The following EYS variants were observed in gnomAD, a reference collection of about 807,000 sequenced individuals.
EYS encodes the protein protein eyes shut homolog.
EYS carries 250 observed loss-of-function variants against 282.1 expected under a neutral mutation model. The observed-to-expected ratio is 0.89, with a 90% CI of 0.80 to 0.98. The LOEUF (loss-of-function observed/expected upper bound fraction) is 0.98, where lower values mean the gene tolerates loss of function less well. EYS is among the 50% of genes least tolerant of loss of function. The pLI, the probability that EYS is intolerant of heterozygous loss-of-function variation, is 0.00. For missense variants in EYS, 4,016 were observed against 3,709.0 expected (o/e 1.08, Z -2.15); for synonymous variants, 1,355 against 1,282.9 (o/e 1.06, Z -1.20).
intron 26 of EYS, among the ~76,000 whole-genome samples, chr6:64,563,031 C>T (rs1406814745): frequency 1.3e-5 from 2 of 151,900 alleles, no homozygotes; most frequent in African/African-American, 4.8e-5. Context: ...GTGAATAATG[C>T]AAATATTTTA....
At chr6:64,523,473 G>A (rs1777821864) in intron 26 of EYS, among the ~76,000 whole-genome samples, 1 of 151,686 alleles carries the variant, frequency 6.6e-6, no homozygotes, top group Admixed American at 6.6e-5. Flanking sequence ...AACAAATCAG[G>A]AAATTTCTAC....
chr6:65,413,903 A>G (rs1199802598), intron 5 of EYS, among the ~76,000 whole-genome samples: 1 of 151,992 alleles, frequency 6.6e-6, no homozygotes, highest in African/African-American at 2.4e-5. Flanking sequence ...ATCTTGTTGT[A>G]TTTACATTTT....
chr6:63,852,201 TG>T (rs1320285509), intron 36 of EYS, among the ~76,000 whole-genome samples: 1 of 146,794 alleles, frequency 6.8e-6, no homozygotes, highest in African/African-American at 2.5e-5. Context: ...ATTGAGGAGC[TG>T]GTTTTTTGAA....
intron 5 of EYS, among the ~76,000 whole-genome samples, chr6:65,420,158 C>T (rs1351774240): frequency 1.3e-5 from 2 of 151,960 alleles, no homozygotes; most frequent in Non-Finnish European, 2.9e-5. Context: ...TGAAATATTT[C>T]TCTGTAGCAT....
chr6:64,968,313 A>G (rs1211131087), intron 14 of EYS, among the ~76,000 whole-genome samples: 2 of 152,146 alleles, frequency 1.3e-5, no homozygotes, highest in Non-Finnish European at 2.9e-5. Context: ...TGTTCTATAA[A>G]TTTTCCACTG....
At chr6:64,269,223 T>C (rs900979474) in intron 30 of EYS, among the ~76,000 whole-genome samples, 2 of 152,162 alleles carry the variant, frequency 1.3e-5, no homozygotes, top group Non-Finnish European at 2.9e-5. Context: ...AACCACACTA[T>C]ACTTTGCCCA....
intron 2 of EYS, among the ~76,000 whole-genome samples, chr6:65,592,874 T>C (rs571528814): frequency 3.3e-5 from 5 of 152,128 alleles, no homozygotes; most frequent in African/African-American, 1.2e-4. Context: ...AACTTAACAT[T>C]GGCTTTATTC....
intron 30 of EYS, among the ~76,000 whole-genome samples, chr6:64,264,753 T>C (rs895359531): frequency 8.6e-5 from 13 of 151,892 alleles, no homozygotes; most frequent in East Asian, 1.9e-4. Context: ...CTACTAAAAA[T>C]ACAAAAATTT....
intron 28 of EYS, among the ~76,000 whole-genome samples, chr6:64,389,951 C>A (rs1029995471): frequency 2.6e-5 from 4 of 150,958 alleles, no homozygotes; most frequent in African/African-American, 9.7e-5. Context: ...CAAGGCATTG[C>A]CTCACTTGGG....
At chr6:64,444,233 C>T (rs146619409) in intron 26 of EYS, among the ~76,000 whole-genome samples, 2,270 of 152,208 alleles carry the variant, frequency 0.015, 16 homozygotes, top group East Asian at 0.032. Flanking sequence ...AAAAAGGCTG[C>T]ATTGACATGG....
At chr6:64,344,096 A>T (rs1182964945) in intron 29 of EYS, among the ~76,000 whole-genome samples, 1 of 152,182 alleles carries the variant, frequency 6.6e-6, no homozygotes, top group African/African-American at 2.4e-5. Context: ...GTCCAGGACA[A>T]GATGGATTCA....
At chr6:65,014,575 G>C (rs1016484200) in intron 13 of EYS, among the ~76,000 whole-genome samples, 2 of 152,130 alleles carry the variant, frequency 1.3e-5, no homozygotes, top group Non-Finnish European at 2.9e-5. Context: ...TTTCTAGAAG[G>C]ATGAGGGCCA....
intron 35 of EYS, among the ~76,000 whole-genome samples, chr6:63,962,358 C>A (rs1562119146): frequency 6.6e-6 from 1 of 152,132 alleles, no homozygotes; most frequent in Non-Finnish European, 1.5e-5. Context: ...GCGATCTACT[C>A]ATCTGACAAA....
At chr6:64,519,020 A>C (rs1479772044) in intron 26 of EYS, among the ~76,000 whole-genome samples, 2 of 151,784 alleles carry the variant, frequency 1.3e-5, no homozygotes, top group African/African-American at 2.4e-5. Flanking sequence ...AGAAAATAAA[A>C]CCAGAAGCAG....
intron 13 of EYS, among the ~76,000 whole-genome samples, chr6:65,019,769 A>G (rs942911759): frequency 3.3e-5 from 5 of 152,178 alleles, no homozygotes; most frequent in African/African-American, 1.2e-4. Flanking sequence ...CATGAGGCCA[A>G]TAAAGACATC....
intron 26 of EYS, among the ~76,000 whole-genome samples, chr6:64,462,350 T>C (rs1230947447): frequency 6.6e-6 from 1 of 152,224 alleles, no homozygotes; most frequent in African/African-American, 2.4e-5. Context: ...AATTTGAAGC[T>C]TCTTGTCATC....
intron 18 of EYS, 26 bp downstream of exon 18, chr6:64,902,087 T>G: frequency 1.4e-6 from 2 of 1,454,422 alleles, no homozygotes; most frequent in Non-Finnish European, 9.4e-7. Context: ...ATCAAATAAT[T>G]AATTTAATAA....
chr6:65,474,250 T>C (rs900915936), intron 5 of EYS, among the ~76,000 whole-genome samples: 1 of 152,088 alleles, frequency 6.6e-6, no homozygotes, highest in Non-Finnish European at 1.5e-5. Context: ...AAAGTAATAA[T>C]GACCCCCATG....
At chr6:65,585,690 C>A (rs1322855994) in intron 2 of EYS, among the ~76,000 whole-genome samples, 7 of 151,862 alleles carry the variant, frequency 4.6e-5, no homozygotes, top group African/African-American at 1.7e-4. Context: ...GGTTGTCTGG[C>A]ATATGAGACT....
Sources: gnomAD v4.1 joint callset for allele counts (sites outside exome capture counted in the v4.1 genomes callset) on GRCh38, gnomAD v4.1.1 for gene constraint, MANE v1.5 for transcripts, NCBI Gene and HGNC (gene_info 2026-07-23, HGNC 2026-07-21) for gene names.